Variants in ARHGEF18 observed in about 807,000 individuals in gnomAD.
The protein encoded by ARHGEF18 is rho guanine nucleotide exchange factor 18.
ARHGEF18 carries 93 observed loss-of-function variants against 155.7 expected under a neutral mutation model. The ratio of observed to expected loss-of-function variants is 0.60; its 90% CI spans 0.50 to 0.71. The LOEUF is 0.71. Ranked by LOEUF, ARHGEF18 falls within the 30% of genes least tolerant of loss-of-function variation. The probability of loss-of-function intolerance (pLI) is 0.00; values close to 1 mark genes in which losing one functional copy is unlikely to be tolerated. For synonymous variants in ARHGEF18, 742 were observed against 753.1 expected (o/e 0.99, Z 0.24); for missense variants, 1,593 against 1,816.1 (o/e 0.88, Z 2.23).
intron 10 of ARHGEF18, among the ~76,000 whole-genome samples, chr19:7,436,257 T>C (rs996896122): frequency 1.2e-4 from 18 of 151,034 alleles, no homozygotes; most frequent in Non-Finnish European, 2.5e-4. Flanking sequence ...GCTTACATGC[T>C]GTTTTTTTTG....
chr19:7,377,524 C>A (rs1442628963), intron 5 of ARHGEF18, among the ~76,000 whole-genome samples: 5 of 152,122 alleles, frequency 3.3e-5, no homozygotes, highest in African/African-American at 1.2e-4. Context: ...CAGCTCACAC[C>A]TGGAATCCCA....
In ARHGEF18 at chr19:7,362,032, A is replaced by G. The variant is rs1400082737; in HGVS notation, c.-110-749A>G. On this transcript the variant is annotated intron_variant, in intron 1 of 28. Transcript: ENST00000668164. Reference sequence around the variant, plus strand: ...GAAGAAGAAGGAGAAGGAGAAGGAGAAGGAGAAGGAGAAGGAGAAGGAGAA... The same window carrying G: ...GAAGAAGAAGGAGAAGGAGAAGGAGGAGGAGAAGGAGAAGGAGAAGGAGAA... 5.4e-3 allele frequency among the ~76,000 whole-genome samples: 291 copies of G among 53,780 alleles called. 20 individuals carry two copies. The East Asian group carries it at 0.072, about 13-fold the overall frequency. 35.3% of individuals were successfully genotyped at this position (53,780 alleles called of 152,430 possible).
chr19:7,434,835 A>G (rs1047959274), intron 10 of ARHGEF18, among the ~76,000 whole-genome samples: 2 of 152,158 alleles, frequency 1.3e-5, no homozygotes, highest in Admixed American at 6.5e-5. Context: ...CATACAATGC[A>G]CCCATTTAAG....
Position 7,451,179 on chromosome 19 carries a change from C to T in ARHGEF18, c.1768C>T (p.Leu590Phe). The change falls in exon 16 of 29, where the codon CTT (leucine) becomes TTT (phenylalanine). Residue 590 changes from leucine (L) to phenylalanine (F), a missense_variant. Transcript: ENST00000668164. Reference sequence around the variant, plus strand: ...TGGCAACTTCTCCATCGTGCGGCGGCTTGGCGTGCAGGAGTGCATTCTCCT... The same window carrying T: ...TGGCAACTTCTCCATCGTGCGGCGGTTTGGCGTGCAGGAGTGCATTCTCCT... ...KIGNFSIVRR[L>F]GVQECILLVT... The T allele has an allele frequency of 6.2e-7, 1 of 1,605,508 alleles. No homozygotes were observed. The highest frequency in any genetic ancestry group is 8.5e-7 in the Non-Finnish European group (1 of 1,177,270).
chr19:7,410,685 C>T (rs1972620485), intron 10 of ARHGEF18, among the ~76,000 whole-genome samples: 1 of 150,954 alleles, frequency 6.6e-6, no homozygotes, highest in Non-Finnish European at 1.5e-5. Flanking sequence ...TGGCATGCAC[C>T]TATAATCCCA....
chr19:7,451,298 G>A (rs368647774), intron 16 of ARHGEF18, 32 bp downstream of exon 16: 868 of 1,595,006 alleles, frequency 5.4e-4, no homozygotes, highest in Admixed American at 9.4e-4. Flanking sequence ...CCGCCCGCCC[G>A]TGCTGCTGCA....
Position 7,445,005 on chromosome 19 carries a change from C to T in ARHGEF18, c.1611+551C>T, listed in dbSNP as rs141404255. 9.2e-5 allele frequency among the ~76,000 whole-genome samples: 14 copies of T among 152,270 alleles called. No individual in the cohort carries two copies. In the East Asian group the frequency reaches 2.7e-3, roughly 29 times the overall value. On this transcript the variant is annotated intron_variant, in intron 14 of 28. Transcript: ENST00000668164. Reference sequence around the variant, plus strand: ...CAGTTCTGGGCCCCTTACAGCGATGCCTGCAGTTCATATTCTAGAAACACA... The same window carrying T: ...CAGTTCTGGGCCCCTTACAGCGATGTCTGCAGTTCATATTCTAGAAACACA...
At chr19:7,387,010 CT>C (rs1374339757) in intron 10 of ARHGEF18, among the ~76,000 whole-genome samples, 1 of 152,092 alleles carries the variant, frequency 6.6e-6, no homozygotes, top group African/African-American at 2.4e-5. Context: ...TGCTGTGTCC[CT>C]GCGTTTTTCT....
chr19:7,380,198 G>T (rs570958532), intron 7 of ARHGEF18, among the ~76,000 whole-genome samples: 1 of 151,850 alleles, frequency 6.6e-6, no homozygotes, highest in South Asian at 2.1e-4. Context: ...AAAATTGTGG[G>T]CTGGGCGCAG....
chr19:7,432,589 C>T (rs1265982035), intron 10 of ARHGEF18, among the ~76,000 whole-genome samples: 1 of 152,206 alleles, frequency 6.6e-6, no homozygotes, highest in Non-Finnish European at 1.5e-5. Context: ...GATCCTCCTG[C>T]CTCAGCCTCC....
intron 5 of ARHGEF18, 99 bp downstream of exon 5, chr19:7,376,856 G>A (rs1970482784): frequency 1.1e-6 from 1 of 889,424 alleles, no homozygotes; most frequent in East Asian, 3.3e-5. Flanking sequence ...CTTCATCCTG[G>A]AGGGTCCCCT....
At chr19:7,372,523 G>A (rs765105257) in intron 2 of ARHGEF18, among the ~76,000 whole-genome samples, 2 of 152,158 alleles carry the variant, frequency 1.3e-5, no homozygotes, top group Non-Finnish European at 2.9e-5. Flanking sequence ...TCAGTGACGA[G>A]AAGTGCTTTG....
chr19:7,405,225 C>T (rs1012120991), intron 10 of ARHGEF18, among the ~76,000 whole-genome samples: 1 of 152,228 alleles, frequency 6.6e-6, no homozygotes, highest in African/African-American at 2.4e-5. Context: ...TCCCAAAGTG[C>T]TGGGATTACA....
intron 10 of ARHGEF18, among the ~76,000 whole-genome samples, chr19:7,422,260 T>C (rs1973392877): frequency 6.6e-6 from 1 of 151,984 alleles, no homozygotes; most frequent in Admixed American, 6.6e-5. Flanking sequence ...GGGCAGCATG[T>C]AAAACGCCAC....
chr19:7,411,265 T>TTCCCCTTCCCCC (rs1972662746), intron 10 of ARHGEF18, among the ~76,000 whole-genome samples: 1 of 113,826 alleles, frequency 8.8e-6, no homozygotes, highest in Non-Finnish European at 1.9e-5. Flanking sequence ...CCCCTTCCCC[T>TTCCCCTTCCCCC]TCCCCTTCCC....
At chr19:7,356,466 G>A (rs892716203) in intron 1 of ARHGEF18, among the ~76,000 whole-genome samples, 1 of 151,818 alleles carries the variant, frequency 6.6e-6, no homozygotes, top group African/African-American at 2.4e-5. Flanking sequence ...TAGAGACGGG[G>A]TTTCACCATG....
downstream of ARHGEF18, chr19:7,473,188 T>C (rs1977117126): frequency 2.2e-6 from 1 of 456,124 alleles, no homozygotes; most frequent in African/African-American, 2.0e-5. Flanking sequence ...TGAGTCCCGG[T>C]CCAGTGAGGC....
At chr19:7,442,622 G>A (rs1222615290) in intron 13 of ARHGEF18, among the ~76,000 whole-genome samples, 1 of 152,310 alleles carries the variant, frequency 6.6e-6, no homozygotes, top group Admixed American at 6.5e-5. Context: ...GTTATAATAC[G>A]TCCCTGTGAA....
Position 7,451,199 on chromosome 19 carries a change from T to C in ARHGEF18, c.1788T>C (p.Ile596=). Residue 596 remains isoleucine, a synonymous_variant, in exon 16 of 29, where the codon ATT becomes ATC. Coordinates refer to ENST00000668164, the MANE Select transcript of ARHGEF18 (RefSeq NM_001367823.1). ...GGCGGCTTGGCGTGCAGGAGTGCATTCTCCTGGTTACACAACGCATAACCA... is the reference window on the plus strand; with the variant it reads ...GGCGGCTTGGCGTGCAGGAGTGCATCCTCCTGGTTACACAACGCATAACCA... ...IVRRLGVQEC[I]LLVTQRITKY... The C allele has an allele frequency of 6.2e-7, 1 of 1,613,984 alleles. No homozygotes were observed. The highest frequency in any genetic ancestry group is 8.5e-7 in the Non-Finnish European group (1 of 1,180,006).
Sources: allele counts gnomAD v4.1 joint callset (sites outside exome capture counted in the v4.1 genomes callset), GRCh38; gene constraint gnomAD v4.1.1; transcripts MANE v1.5; gene names NCBI Gene and HGNC (gene_info 2026-07-23, HGNC 2026-07-21).